Variants in KIF21B observed in about 807,000 individuals in gnomAD.
The protein encoded by KIF21B is kinesin family member 21B, also known as kinesin-like protein KIF21B.
In KIF21B, 85 loss-of-function variants were observed where a neutral mutation model predicts 192.9. That is an observed-to-expected ratio of 0.44 (90% confidence interval 0.37 to 0.53). The LOEUF (loss-of-function observed/expected upper bound fraction) is 0.53. KIF21B is among the 20% of genes least tolerant of loss of function. The pLI, the probability that KIF21B is intolerant of heterozygous loss-of-function variation, is 0.00. For missense variants in KIF21B, 1,716 were observed against 2,194.8 expected (o/e 0.78, Z 4.36); for synonymous variants, 832 against 884.6 (o/e 0.94, Z 1.05).
At position 200,991,704 on chromosome 1, in the gene KIF21B, A is replaced by C; in HGVS notation, c.2407T>G (p.Ser803Ala). 3.1e-6 allele frequency: 5 copies of C among 1,613,800 alleles called. No individual in the cohort carries two copies. The highest frequency in any genetic ancestry group is 4.2e-6 in the Non-Finnish European group (5 of 1,179,946). ...RQEFQIRALE[S>A]QKRQQEMVLR... ...ACCATCTCCTGCTGCCGCTTCTGGG[A>C]CTCCAGAGCTCGGATCTGAAACTGT... Residue 803 changes from serine (S) to alanine (A), a missense_variant, in exon 17 of 35, where the codon TCC (serine) becomes GCC (alanine). Transcript: ENST00000461742.
intron 27 of KIF21B, among the ~76,000 whole-genome samples, 166 bp from the exon 28 acceptor site, chr1:200,983,260 T>C (rs1350051766): frequency 6.6e-6 from 1 of 150,486 alleles, no homozygotes; most frequent in African/African-American, 2.5e-5. Flanking sequence ...GGGGAGGAGG[T>C]GGGTGGGCTG....
chr1:201,016,395 G>C (rs1658505642), intron 1 of KIF21B, among the ~76,000 whole-genome samples: 1 of 152,226 alleles, frequency 6.6e-6, no homozygotes, highest in Non-Finnish European at 1.5e-5. Context: ...CCAGGAGGCT[G>C]CTTCCCTGTC....
intron 6 of KIF21B, 151 bp from the exon 7 acceptor site, chr1:201,004,606 G>A (rs1382426280): frequency 8.8e-7 from 1 of 1,140,548 alleles, no homozygotes; most frequent in African/African-American, 1.5e-5. Flanking sequence ...GGATAAGTTG[G>A]TGAAATGGGG....
intron 1 of KIF21B, among the ~76,000 whole-genome samples, chr1:201,018,460 C>G (rs557347447): frequency 4.6e-5 from 7 of 152,374 alleles, no homozygotes; most frequent in Non-Finnish European, 8.8e-5. Flanking sequence ...TGCCACACAT[C>G]TGCACAGCAC....
intron 30 of KIF21B, among the ~76,000 whole-genome samples, chr1:200,977,942 C>G (rs1235238804): frequency 6.8e-6 from 1 of 147,942 alleles, no homozygotes; most frequent in Admixed American, 6.7e-5. Context: ...TCATATTGGT[C>G]GGGCTGGTCT....
chr1:201,012,193 G>A (rs1407226862), intron 1 of KIF21B, among the ~76,000 whole-genome samples: 3 of 152,194 alleles, frequency 2.0e-5, no homozygotes, highest in African/African-American at 7.2e-5. Context: ...GCCCAATGCT[G>A]GTCCACTCTT....
In KIF21B at chr1:200,990,491, A is replaced by G; in HGVS notation, c.2835+85T>C. 1.3e-6 allele frequency: 2 copies of G among 1,534,600 alleles called. No homozygotes were observed. The highest frequency in any genetic ancestry group is 1.8e-5 in the Admixed American group (1 of 57,006). On this transcript the variant is annotated intron_variant, in intron 19 of 34. Coordinates refer to ENST00000461742, the MANE Select transcript of KIF21B (RefSeq NM_001252102.2). This position sits in a 1 kb window ranked among gnomAD's most constrained non-coding sequence, Gnocchi z 5.4. Reference sequence around the variant, plus strand: ...AGGAGCAGAGGGAAGTGGGGCAGGGAAAGGTCTGAAGAGCCAGAGAAGTTG... The same window carrying G: ...AGGAGCAGAGGGAAGTGGGGCAGGGGAAGGTCTGAAGAGCCAGAGAAGTTG...
intron 24 of KIF21B, 74 bp downstream of exon 24, chr1:200,988,222 C>T: frequency 7.2e-7 from 1 of 1,389,620 alleles, no homozygotes; most frequent in Non-Finnish European, 1.0e-6. Context: ...GGAGCAGAGC[C>T]ACAGTAAGCG....
Position 200,991,640 on chromosome 1 carries a change from C to A in KIF21B, c.2454+17G>T. On this transcript the variant is annotated intron_variant, in intron 17 of 34. Transcript: ENST00000461742. ...GCAGCAGGGCCAGGGCCTCGCCAGC[C>A]CCTCGAGTGAGCTCACCTCCTGGGT... is the stretch of plus-strand genomic sequence containing the variant. The A allele has an allele frequency of 6.2e-7, 1 of 1,613,328 alleles. No individual in the cohort carries two copies.
Position 200,990,440 on chromosome 1 carries a change from C to A in KIF21B, c.2836-108G>T. On this transcript the variant is annotated intron_variant, in intron 19 of 34. Coordinates refer to ENST00000461742, the MANE Select transcript of KIF21B (RefSeq NM_001252102.2). The surrounding 1 kb of genome is among the most constrained non-coding windows in gnomAD (Gnocchi z 5.4). Reference sequence around the variant, plus strand: ...AGGCTGGCCTGTGAGGTCCCCCCAGCACCTCTGGATTCCAGAGCAGGCAAA... The same window carrying A: ...AGGCTGGCCTGTGAGGTCCCCCCAGAACCTCTGGATTCCAGAGCAGGCAAA... The A allele has an allele frequency of 6.8e-7, 1 of 1,467,280 alleles. No homozygotes were observed. The highest frequency in any genetic ancestry group is 9.3e-7 in the Non-Finnish European group (1 of 1,077,964). The allele number at this position is 1,467,280 out of a possible 1,614,324, so 90.9% of individuals were successfully genotyped here. A position where few individuals can be genotyped will look rare whatever the true frequency, so the allele number is the denominator to read the frequency against.
chr1:200,973,560 G>A lies in KIF21B; in HGVS notation c.4833C>T (p.Phe1611=), dbSNP rs991894313. ...TGTGGGGTAACCGCCGGACACTCCA[G>A]AACTTCACCGTCAGGTCACTGGGGT... ...FTASSDLTVK[F]WSVRRLPHSG... Residue 1611 remains phenylalanine (F), a synonymous_variant, in exon 35 of 35, where the codon TTC becomes TTT. Transcript: ENST00000461742. 2.0e-6 allele frequency: 3 copies of A among 1,515,570 alleles called. No individual in the cohort carries two copies. Among genetic ancestry groups the A allele is most frequent in the Non-Finnish European group, 8.8e-7 (1 of 1,140,672 alleles). The allele number at this position is 1,515,570 out of a possible 1,614,324, so 93.9% of individuals were successfully genotyped here.
In KIF21B at chr1:200,979,515, G is replaced by A. The variant is rs1473413652; in HGVS notation, c.4160+20C>T. On this transcript the variant is annotated intron_variant, in intron 30 of 34. Transcript: ENST00000461742. ...AGCCTGCTGCAGCCGACCACTGTGA[G>A]GCAGGCGGGGGTTACTCACGTGAGA... 6.6e-7 allele frequency: 1 copy of A among 1,507,174 alleles called. No homozygotes were observed. The allele number at this position is 1,507,174 out of a possible 1,614,324, so 93.4% of individuals were successfully genotyped here.
intron 1 of KIF21B, among the ~76,000 whole-genome samples, chr1:201,016,372 C>T (rs1033508269): frequency 2.0e-5 from 3 of 152,182 alleles, no homozygotes; most frequent in African/African-American, 7.2e-5. Flanking sequence ...GGGAGAAGTA[C>T]GGAGTCGGGA....
intron 21 of KIF21B, among the ~76,000 whole-genome samples, 165 bp from the exon 22 acceptor site, chr1:200,989,096 C>A (rs1394027884): frequency 6.6e-6 from 1 of 152,140 alleles, no homozygotes; most frequent in Non-Finnish European, 1.5e-5. Flanking sequence ...CCCCTTAGCT[C>A]CCACATACAC....
Position 201,000,785 on chromosome 1 carries a change from A to C in KIF21B, c.1403-5T>G. 1 of 1,614,102 alleles carries C rather than the reference A, an allele frequency of 6.2e-7. No individual in the cohort carries two copies. The highest frequency in any genetic ancestry group is 8.5e-7 in the Non-Finnish European group (1 of 1,179,990). ...CAATGGCCTCATTGCCATCGCCTGG[A>C]GTGGGACGGCGGGAAGAAGGGTGCG... On this transcript the variant is annotated splice_region_variant and splice_polypyrimidine_tract_variant and intron_variant, in intron 9 of 34. Transcript: ENST00000461742. The surrounding 1 kb of genome is among the most constrained non-coding windows in gnomAD (Gnocchi z 6.0).
intron 15 of KIF21B, 118 bp from the exon 16 acceptor site, chr1:200,992,507 C>T: frequency 3.9e-6 from 4 of 1,025,692 alleles, no homozygotes; most frequent in African/African-American, 1.6e-5. Context: ...CCAGGCAACA[C>T]TGGCTCAGGG....
intron 1 of KIF21B, among the ~76,000 whole-genome samples, chr1:201,021,300 T>A (rs58480623): frequency 0.075 from 11,386 of 152,260 alleles, 1,345 homozygotes; most frequent in African/African-American, 0.25. Context: ...CCCATTGAGG[T>A]CTGGCGTGTG....
intron 14 of KIF21B, among the ~76,000 whole-genome samples, chr1:200,997,354 C>G (rs1657128631): frequency 6.6e-6 from 1 of 151,788 alleles, no homozygotes; most frequent in African/African-American, 2.4e-5. Context: ...CTCCTGTTCC[C>G]TCTGTCTGGG....
chr1:200,983,859 G>C (rs1558002123), intron 27 of KIF21B, among the ~76,000 whole-genome samples: 1 of 152,202 alleles, frequency 6.6e-6, no homozygotes, highest in Non-Finnish European at 1.5e-5. Context: ...CTGACTCCTG[G>C]GCTCAGCATT....
Sources: allele counts gnomAD v4.1 joint callset (sites outside exome capture counted in the v4.1 genomes callset), GRCh38; gene constraint gnomAD v4.1.1; non-coding constraint Gnocchi (gnomAD v3.1); transcripts MANE v1.5; gene names NCBI Gene and HGNC (gene_info 2026-07-23, HGNC 2026-07-21).